FUT9: variants seen among roughly 807,000 people sequenced by gnomAD.
FUT9 encodes 4-galactosyl-N-acetylglucosaminide 3-alpha-L-fucosyltransferase 9.
In FUT9, 15 loss-of-function variants were observed where a neutral mutation model predicts 29.7. That is an observed-to-expected ratio of 0.51 (90% CI 0.34 to 0.78). The LOEUF is 0.78. Among genes scored for constraint, FUT9 ranks in the 30% least tolerant of loss-of-function variants. The probability of loss-of-function intolerance (pLI) is 0.01; values close to 1 mark genes in which losing one functional copy is unlikely to be tolerated. For synonymous variants in FUT9, 169 were observed against 153.7 expected (o/e 1.10, Z -0.74); for missense variants, 319 against 425.4 (o/e 0.75, Z 2.20).
chr6:96,164,832 T>C (rs887077122), intron 2 of FUT9, among the ~76,000 whole-genome samples: 5 of 152,222 alleles, frequency 3.3e-5, no homozygotes, highest in South Asian at 2.1e-4. Flanking sequence ...TCCAAAACTA[T>C]GTAAAGTTAA....
chr6:96,087,898 A>G (rs1370522039), intron 1 of FUT9, among the ~76,000 whole-genome samples: 3 of 152,144 alleles, frequency 2.0e-5, no homozygotes, highest in African/African-American at 7.2e-5. Context: ...TTCCTTTAAC[A>G]TATCTGGTAA....
chr6:96,171,372 G>A lies in FUT9; in HGVS notation c.-8-31776G>A, dbSNP rs183594781. Among the ~76,000 whole-genome samples, 98 of 152,130 alleles carry A rather than the reference G, an allele frequency of 6.4e-4. 1 individual carries two copies. The East Asian group carries it at 0.014, about 21-fold the overall frequency. ...ACTCAAGGCAGTAAGCAGTTGGCTT[G>A]TAGCCCAAGAAAAGGCACTGTTGGG... On this transcript the variant is annotated intron_variant, in intron 2 of 2. Transcript: ENST00000302103.
chr6:96,018,355 A>T (rs1770015696), intron 1 of FUT9, among the ~76,000 whole-genome samples: 1 of 152,154 alleles, frequency 6.6e-6, no homozygotes, highest in East Asian at 1.9e-4. Context: ...ATATAATTCC[A>T]ATTAACATGA....
At chr6:96,096,193 T>C (rs1484995594) in intron 1 of FUT9, among the ~76,000 whole-genome samples, 1 of 152,120 alleles carries the variant, frequency 6.6e-6, no homozygotes, top group African/African-American at 2.4e-5. Flanking sequence ...CAGTTGCAGA[T>C]GCAAAAAGAC....
At chr6:96,151,121 G>A (rs917295032) in intron 2 of FUT9, among the ~76,000 whole-genome samples, 2 of 152,110 alleles carry the variant, frequency 1.3e-5, no homozygotes, top group African/African-American at 4.8e-5. Flanking sequence ...CAAGAAAAAT[G>A]TTTTAACCTG....
chr6:96,024,396 A>C (rs754987964), intron 1 of FUT9, among the ~76,000 whole-genome samples: 4 of 151,834 alleles, frequency 2.6e-5, no homozygotes, highest in Non-Finnish European at 4.4e-5. Flanking sequence ...CATATGTATT[A>C]TCCCAGTTTC....
At chr6:96,135,052 A>G (rs1772321345) in intron 2 of FUT9, among the ~76,000 whole-genome samples, 1 of 151,904 alleles carries the variant, frequency 6.6e-6, no homozygotes. Flanking sequence ...TTCATTGCAA[A>G]GTTAAGGAGT....
At chr6:96,040,143 T>C (rs1374690151) in intron 1 of FUT9, among the ~76,000 whole-genome samples, 1 of 152,208 alleles carries the variant, frequency 6.6e-6, no homozygotes, top group Non-Finnish European at 1.5e-5. Flanking sequence ...TGCTATATTG[T>C]TTGCAGTGAT....
intron 1 of FUT9, among the ~76,000 whole-genome samples, chr6:96,109,725 C>T (rs1771761442): frequency 6.6e-6 from 1 of 152,170 alleles, no homozygotes; most frequent in Non-Finnish European, 1.5e-5. Flanking sequence ...TCCAGGCTTG[C>T]CCCTCTATTG....
chr6:96,020,399 A>T (rs573897636), intron 1 of FUT9, among the ~76,000 whole-genome samples: 3 of 152,100 alleles, frequency 2.0e-5, no homozygotes, highest in Non-Finnish European at 2.9e-5. Context: ...AAGGTTTCGT[A>T]TCCATATGTT....
intron 1 of FUT9, among the ~76,000 whole-genome samples, chr6:96,090,232 G>A (rs992819761): frequency 6.6e-6 from 1 of 151,984 alleles, no homozygotes; most frequent in Non-Finnish European, 1.5e-5. Context: ...TTAGCATCTT[G>A]TATATACTTT....
intron 1 of FUT9, among the ~76,000 whole-genome samples, chr6:96,100,418 T>C (rs1178197846): frequency 6.6e-6 from 1 of 152,160 alleles, no homozygotes; most frequent in Non-Finnish European, 1.5e-5. Context: ...GTAAAGGAAA[T>C]ACTTTGATGT....
intron 1 of FUT9, among the ~76,000 whole-genome samples, chr6:96,112,916 A>G (rs1310506082): frequency 2.6e-5 from 4 of 152,196 alleles, no homozygotes; most frequent in Non-Finnish European, 4.4e-5. Flanking sequence ...TCCAAATAAT[A>G]GCATTTACCT....
intron 1 of FUT9, among the ~76,000 whole-genome samples, chr6:96,049,939 G>A (rs1770635396): frequency 6.6e-6 from 1 of 151,910 alleles, no homozygotes; most frequent in South Asian, 2.1e-4. Context: ...CATTCTACAG[G>A]GCAGATATAA....
chr6:96,075,023 A>T (rs79306381), intron 1 of FUT9, among the ~76,000 whole-genome samples: 4 of 151,798 alleles, frequency 2.6e-5, no homozygotes, highest in Admixed American at 6.6e-5. Context: ...GCCTCAAGCA[A>T]CCCTTCCACC....
chr6:96,140,532 C>T (rs931136945), intron 2 of FUT9, among the ~76,000 whole-genome samples: 1 of 152,142 alleles, frequency 6.6e-6, no homozygotes, highest in African/African-American at 2.4e-5. Flanking sequence ...TGAAGAAATA[C>T]CTGAGACGGG....
At chr6:96,104,232 C>A (rs1405195175) in intron 1 of FUT9, among the ~76,000 whole-genome samples, 2 of 152,108 alleles carry the variant, frequency 1.3e-5, no homozygotes, top group African/African-American at 4.8e-5. Flanking sequence ...TACCCATTTG[C>A]CAGAGTAGAT....
At chr6:96,202,112 G>A (rs996012117) in intron 2 of FUT9, among the ~76,000 whole-genome samples, 4 of 151,718 alleles carry the variant, frequency 2.6e-5, no homozygotes, top group African/African-American at 7.3e-5. Flanking sequence ...CAAATGACCC[G>A]TGAGAATTTT....
At chr6:96,111,990 A>G (rs1185271754) in intron 1 of FUT9, among the ~76,000 whole-genome samples, 4 of 152,172 alleles carry the variant, frequency 2.6e-5, no homozygotes, top group Admixed American at 2.6e-4. Flanking sequence ...ACACAGTTTC[A>G]ACAAAGAAAT....
Sources: gnomAD v4.1 joint callset for allele counts (sites outside exome capture counted in the v4.1 genomes callset) on GRCh38, gnomAD v4.1.1 for gene constraint, MANE v1.5 for transcripts, NCBI Gene and HGNC (gene_info 2026-07-23, HGNC 2026-07-21) for gene names.